Variants in CDYL2 observed in about 807,000 individuals in gnomAD.
The protein encoded by CDYL2 is chromodomain Y-like protein 2.
In CDYL2, 23 loss-of-function variants were observed where a neutral mutation model predicts 49.4. The ratio of observed to expected loss-of-function variants is 0.47; its 90% CI spans 0.34 to 0.66. CDYL2 has a LOEUF of 0.66. Among genes scored for constraint, CDYL2 ranks in the 30% least tolerant of loss-of-function variants. CDYL2 has a pLI of 0.01. For synonymous variants in CDYL2, 360 were observed against 268.8 expected (o/e 1.34, Z -3.32); for missense variants, 678 against 656.4 (o/e 1.03, Z -0.36).
intron 2 of CDYL2, among the ~76,000 whole-genome samples, chr16:80,656,079 A>G (rs1475539272): frequency 6.6e-6 from 1 of 152,328 alleles, no homozygotes; most frequent in East Asian, 1.9e-4. Flanking sequence ...AAATATGAGA[A>G]ATGAGATTCA....
intron 1 of CDYL2, among the ~76,000 whole-genome samples, chr16:80,704,785 G>C (rs996565834): frequency 1.3e-5 from 2 of 152,240 alleles, no homozygotes; most frequent in Non-Finnish European, 2.9e-5. Flanking sequence ...AACAGAGAAA[G>C]GCCACGTGGC....
Position 80,629,811 on chromosome 16 carries a change from T to G in CDYL2, c.834+3208A>C, listed in dbSNP as rs574700423. ...AGTGGTCGCCTTCTGGTTCCTCCAT[T>G]CACAAGCAAGGCAATGTCTGCTGGT... is the stretch of plus-strand genomic sequence containing the variant. On this transcript the variant is annotated intron_variant, in intron 3 of 6. Coordinates refer to ENST00000570137, the MANE Select transcript of CDYL2 (RefSeq NM_152342.4). Among the ~76,000 whole-genome samples, 17 of 152,338 alleles carry G rather than the reference T, an allele frequency of 1.1e-4. No homozygotes were observed. In the South Asian group the frequency reaches 3.3e-3, roughly 30 times the overall value.
intron 2 of CDYL2, among the ~76,000 whole-genome samples, chr16:80,648,785 G>A (rs1294302135): frequency 2.6e-5 from 4 of 151,722 alleles, no homozygotes; most frequent in Non-Finnish European, 4.4e-5. Flanking sequence ...TCAACAATAT[G>A]TCAAAAAAAT....
chr16:80,607,714 C>T (rs139226920), intron 6 of CDYL2, among the ~76,000 whole-genome samples: 1 of 152,346 alleles, frequency 6.6e-6, no homozygotes, highest in East Asian at 1.9e-4. Context: ...ACAGCTTTCT[C>T]TAGTCATCTT....
chr16:80,679,608 G>A (rs1424878149), intron 2 of CDYL2: 1 of 436,214 alleles, frequency 2.3e-6, no homozygotes, highest in Non-Finnish European at 4.6e-6. Flanking sequence ...TCATCTCAGG[G>A]AAGTACTTAT....
At chr16:80,788,309 C>A (rs1233070942) in intron 1 of CDYL2, among the ~76,000 whole-genome samples, 1 of 152,202 alleles carries the variant, frequency 6.6e-6, no homozygotes, top group Non-Finnish European at 1.5e-5. Flanking sequence ...TGTGAGTCAG[C>A]ATGGCTTAAA....
intron 1 of CDYL2, among the ~76,000 whole-genome samples, chr16:80,696,377 T>C (rs990535800): frequency 2.0e-5 from 3 of 151,124 alleles, no homozygotes. Flanking sequence ...CAAAAAGAAA[T>C]AATAAAGATG....
intron 1 of CDYL2, among the ~76,000 whole-genome samples, chr16:80,739,430 C>A (rs1321923651): frequency 1.3e-5 from 2 of 152,012 alleles, no homozygotes; most frequent in Non-Finnish European, 2.9e-5. Flanking sequence ...TATTTTATCA[C>A]AATCTAAAAA....
intron 1 of CDYL2, among the ~76,000 whole-genome samples, chr16:80,695,292 T>A (rs193015732): frequency 1.8e-4 from 27 of 152,278 alleles, no homozygotes; most frequent in African/African-American, 6.5e-4. Flanking sequence ...CCAACACTTA[T>A]CACTATACAA....
intron 1 of CDYL2, among the ~76,000 whole-genome samples, chr16:80,782,429 T>A (rs1333582878): frequency 1.3e-5 from 2 of 151,290 alleles, no homozygotes; most frequent in Non-Finnish European, 2.9e-5. Context: ...TTAGCACCAA[T>A]TCTTCTTAAA....
At chr16:80,784,044 G>C (rs750826568) in intron 1 of CDYL2, among the ~76,000 whole-genome samples, 2 of 152,098 alleles carry the variant, frequency 1.3e-5, no homozygotes, top group Non-Finnish European at 2.9e-5. Context: ...AAAATACTAT[G>C]TTATACTGTA....
At chr16:80,805,026 C>A (rs1908058851), upstream of CDYL2, among the ~76,000 whole-genome samples, 1 of 152,154 alleles carries the variant, frequency 6.6e-6, no homozygotes, top group Admixed American at 6.5e-5. Flanking sequence ...TGAAATGGCC[C>A]ATCCAGAGGC....
intron 1 of CDYL2, among the ~76,000 whole-genome samples, chr16:80,727,308 C>T (rs1161314607): frequency 2.0e-5 from 3 of 152,188 alleles, no homozygotes; most frequent in East Asian, 3.9e-4. Context: ...TCAGGGAGTT[C>T]CGTTTCCTAG....
chr16:80,771,818 T>G, intron 1 of CDYL2, among the ~76,000 whole-genome samples: 1 of 148,550 alleles, frequency 6.7e-6, no homozygotes. Flanking sequence ...AGAGAAAGAG[T>G]TTTAAGACAA....
At chr16:80,663,634 C>G (rs1420679649) in intron 2 of CDYL2, among the ~76,000 whole-genome samples, 2 of 151,908 alleles carry the variant, frequency 1.3e-5, no homozygotes, top group Non-Finnish European at 2.9e-5. Context: ...TTCTTCTTGC[C>G]CAGGCTGGAG....
chr16:80,631,309 G>C (rs780992054), intron 3 of CDYL2, among the ~76,000 whole-genome samples: 5 of 152,182 alleles, frequency 3.3e-5, no homozygotes, highest in Non-Finnish European at 5.9e-5. Flanking sequence ...TGTCATCACT[G>C]TTATCGCCAT....
At chr16:80,751,299 G>A (rs1906129431) in intron 1 of CDYL2, among the ~76,000 whole-genome samples, 2 of 152,310 alleles carry the variant, frequency 1.3e-5, no homozygotes, top group South Asian at 4.1e-4. Flanking sequence ...GAGCTGCCTT[G>A]GCAGCCAGAA....
intron 1 of CDYL2, among the ~76,000 whole-genome samples, chr16:80,752,636 G>T (rs748113369): frequency 2.6e-5 from 4 of 152,148 alleles, no homozygotes; most frequent in South Asian, 2.1e-4. Flanking sequence ...AGAATTATTT[G>T]CCCTATGGAA....
At chr16:80,668,525 T>C (rs574164697) in intron 2 of CDYL2, among the ~76,000 whole-genome samples, 18 of 151,708 alleles carry the variant, frequency 1.2e-4, no homozygotes, top group African/African-American at 4.3e-4. Context: ...CATATACATA[T>C]ATATAAACTT....
Sources: allele counts gnomAD v4.1 joint callset (sites outside exome capture counted in the v4.1 genomes callset), GRCh38; gene constraint gnomAD v4.1.1; transcripts MANE v1.5; gene names NCBI Gene and HGNC (gene_info 2026-07-23, HGNC 2026-07-21).